CNR2: variants seen among roughly 807,000 people sequenced by gnomAD.
The protein encoded by CNR2 is cannabinoid receptor 2 (macrophage).
For missense variants in CNR2, 379 were observed against 439.9 expected (o/e 0.86, Z 1.24); for synonymous variants, 172 against 182.2 (o/e 0.94, Z 0.45).
At chr1:23,898,933 G>A (rs964379669) in intron 1 of CNR2, among the ~76,000 whole-genome samples, 7 of 151,432 alleles carry the variant, frequency 4.6e-5, no homozygotes, top group East Asian at 1.9e-4. Context: ...GATAACAGGC[G>A]TGAGCCACCA....
chr1:23,884,706 G>A (rs1272510611), intron 1 of CNR2, among the ~76,000 whole-genome samples: 1 of 151,870 alleles, frequency 6.6e-6, no homozygotes, highest in East Asian at 1.9e-4. Context: ...ATTGGGCTGA[G>A]GCCACACGGC....
At chr1:23,902,765 T>C in intron 1 of CNR2, 1 of 1,499,760 alleles carries the variant, frequency 6.7e-7, no homozygotes, top group Non-Finnish European at 8.9e-7. Context: ...GCTCTCCGGG[T>C]GGTTGTTGCC....
Position 23,874,449 on chromosome 1 carries a change from A to C in CNR2, c.*86T>G. On this transcript the variant is annotated 3_prime_UTR_variant, in exon 2 of 2. Transcript: ENST00000374472. ...CTAGGTGTCTGGGACTGGTTTAAGT[A>C]AGAAGAGAGTGCCAAGACCCCTCTC... The C allele has an allele frequency of 7.0e-7, 1 of 1,428,218 alleles. No individual in the cohort carries two copies. Among genetic ancestry groups the C allele is most frequent in the Non-Finnish European group, 9.5e-7 (1 of 1,055,192 alleles). 88.5% of individuals were successfully genotyped at this position (1,428,218 alleles called of 1,614,324 possible).
At chr1:23,888,611 C>T (rs1467052763) in intron 1 of CNR2, among the ~76,000 whole-genome samples, 5 of 152,130 alleles carry the variant, frequency 3.3e-5, no homozygotes, top group African/African-American at 1.2e-4. Context: ...TGACCTGATG[C>T]TGTACAGATG....
chr1:23,878,048 T>C (rs995472762), intron 1 of CNR2, among the ~76,000 whole-genome samples: 11 of 151,700 alleles, frequency 7.3e-5, no homozygotes, highest in African/African-American at 2.4e-4. Context: ...GAAAGAGAAG[T>C]TAAGAGTTAT....
intron 1 of CNR2, chr1:23,901,495 G>A (rs1166094937): frequency 5.1e-6 from 8 of 1,581,776 alleles, no homozygotes; most frequent in South Asian, 2.4e-5. Context: ...TGAGCTCAGG[G>A]ATCTGCCCAC....
rs1640407860 is a variant in CNR2, at chr1:23,901,991, A to T, written c.-46+11255T>A. On this transcript the variant is annotated intron_variant, in intron 1 of 1. Transcript: ENST00000374472. ...GGGCTTGTTGGTGGCCGTGTACCAC[A>T]GGAAGATGGTGTGGGTCTCCTCCAG... 3 of 1,605,458 alleles carry T rather than the reference A, an allele frequency of 1.9e-6. No homozygotes were observed. The African/African-American group carries it at 4.0e-5, about 21-fold the overall frequency.
intron 1 of CNR2, among the ~76,000 whole-genome samples, chr1:23,898,012 ATTTATT>A (rs921542304): frequency 2.6e-5 from 4 of 151,704 alleles, no homozygotes; most frequent in Non-Finnish European, 4.4e-5. Context: ...CATACTATAT[ATTTATT>A]TTTATTTTTA....
At chr1:23,907,460 G>T (rs185610788) in intron 1 of CNR2, among the ~76,000 whole-genome samples, 5 of 149,986 alleles carry the variant, frequency 3.3e-5, no homozygotes, top group Non-Finnish European at 7.4e-5. Flanking sequence ...AAGCAAATCT[G>T]CAGAGGAGTT....
intron 1 of CNR2, among the ~76,000 whole-genome samples, chr1:23,900,840 C>T (rs1036624615): frequency 6.6e-6 from 1 of 152,014 alleles, no homozygotes; most frequent in East Asian, 1.9e-4. Context: ...CCACCTTGGA[C>T]CATTTTACCG....
intron 1 of CNR2, among the ~76,000 whole-genome samples, chr1:23,890,844 A>G (rs1570712166): frequency 6.9e-6 from 1 of 145,846 alleles, no homozygotes; most frequent in East Asian, 2.0e-4. Flanking sequence ...CTTTCCTTCC[A>G]CGTTTCTTCT....
At chr1:23,906,565 T>TG (rs1640489763) in intron 1 of CNR2, among the ~76,000 whole-genome samples, 1 of 139,748 alleles carries the variant, frequency 7.2e-6, no homozygotes, top group East Asian at 2.1e-4. Context: ...TTTTTAGAGA[T>TG]GGAGTTTTGC....
chr1:23,901,965 G>A (rs1470017403), intron 1 of CNR2: 10 of 1,604,430 alleles, frequency 6.2e-6, no homozygotes, highest in African/African-American at 4.0e-5. Context: ...AAGTCCAGGC[G>A]GGGCTTGTTG....
intron 1 of CNR2, among the ~76,000 whole-genome samples, chr1:23,881,720 C>G (rs1258225092): frequency 2.6e-5 from 4 of 150,952 alleles, no homozygotes; most frequent in East Asian, 2.0e-4. Flanking sequence ...GAAACCTCGT[C>G]TCTACTAAAA....
chr1:23,911,831 C>T, intron 1 of CNR2, among the ~76,000 whole-genome samples: 1 of 152,148 alleles, frequency 6.6e-6, no homozygotes, highest in East Asian at 1.9e-4. Flanking sequence ...TCTGGTAAGC[C>T]ACAAGGTGGT....
chr1:23,901,000 T>C (rs764893979), intron 1 of CNR2, among the ~76,000 whole-genome samples: 1 of 151,954 alleles, frequency 6.6e-6, no homozygotes, highest in Non-Finnish European at 1.5e-5. Context: ...GTATCTTAAG[T>C]GCACCTGCCT....
chr1:23,901,594 C>T (rs2148469237), intron 1 of CNR2: 1 of 1,610,350 alleles, frequency 6.2e-7, no homozygotes, highest in Non-Finnish European at 8.5e-7. Context: ...TCCCCTCCTG[C>T]CCAAAGTAGC....
At chr1:23,908,502 T>TA (rs1169976150) in intron 1 of CNR2, among the ~76,000 whole-genome samples, 4 of 152,110 alleles carry the variant, frequency 2.6e-5, no homozygotes, top group African/African-American at 7.2e-5. Context: ...CACTAATTTT[T>TA]AAAAAAATGG....
intron 1 of CNR2, among the ~76,000 whole-genome samples, chr1:23,894,971 G>C (rs983209622): frequency 2.6e-5 from 4 of 151,972 alleles, no homozygotes; most frequent in African/African-American, 9.7e-5. Context: ...TCTAATCCTA[G>C]CACTTTGGGA....
Sources: gnomAD v4.1 joint callset for allele counts (sites outside exome capture counted in the v4.1 genomes callset) on GRCh38, gnomAD v4.1.1 for gene constraint, MANE v1.5 for transcripts, NCBI Gene and HGNC (gene_info 2026-07-23, HGNC 2026-07-21) for gene names.